The following FAM107B variants were observed in gnomAD, a reference collection of about 807,000 sequenced individuals.
The protein encoded by FAM107B is protein FAM107B.
A neutral mutation model predicts 31.5 loss-of-function variants in FAM107B; 21 were observed. That is an observed-to-expected ratio of 0.67 (90% CI 0.47 to 0.96). The LOEUF (loss-of-function observed/expected upper bound fraction) is 0.96. Among genes scored for constraint, FAM107B ranks in the 40% least tolerant of loss-of-function variants. FAM107B has a pLI of 0.00. For synonymous variants in FAM107B, 157 were observed against 141.5 expected (o/e 1.11, Z -0.78); for missense variants, 452 against 377.1 (o/e 1.20, Z -1.64).
chr10:14,666,572 GA>G (rs1002502328), intron 2 of FAM107B, among the ~76,000 whole-genome samples: 5 of 151,216 alleles, frequency 3.3e-5, no homozygotes, highest in Admixed American at 1.3e-4. Flanking sequence ...TGAGAATCAT[GA>G]AAAAAAAATG....
chr10:14,730,812 C>G (rs2131559881), intron 1 of FAM107B, among the ~76,000 whole-genome samples: 1 of 152,288 alleles, frequency 6.6e-6, no homozygotes, highest in Middle Eastern at 3.4e-3. Flanking sequence ...GTCCTATGTC[C>G]TGGGTAACTC....
intron 1 of FAM107B, among the ~76,000 whole-genome samples, chr10:14,697,415 C>T (rs1358642846): frequency 6.6e-6 from 1 of 152,202 alleles, no homozygotes; most frequent in Admixed American, 6.5e-5. Flanking sequence ...ATGCAGGGCT[C>T]TGCATTTATG....
chr10:14,594,248 C>T (rs1852108563), intron 2 of FAM107B, among the ~76,000 whole-genome samples: 1 of 152,160 alleles, frequency 6.6e-6, no homozygotes, highest in South Asian at 2.1e-4. Flanking sequence ...GGCACGGTGG[C>T]TCACACCCGT....
intron 2 of FAM107B, among the ~76,000 whole-genome samples, chr10:14,659,656 A>C (rs1158640432): frequency 6.6e-6 from 1 of 152,194 alleles, no homozygotes; most frequent in Non-Finnish European, 1.5e-5. Context: ...TGTGACTGAG[A>C]TATAGTGGGT....
At chr10:14,773,369 A>T (rs897269957) in intron 1 of FAM107B, among the ~76,000 whole-genome samples, 4 of 152,268 alleles carry the variant, frequency 2.6e-5, no homozygotes, top group Non-Finnish European at 2.9e-5. Flanking sequence ...AAAATGATTT[A>T]AAAAATCAGA....
chr10:14,587,307 G>A (rs1851877033), intron 2 of FAM107B, among the ~76,000 whole-genome samples: 2 of 152,218 alleles, frequency 1.3e-5, no homozygotes, highest in South Asian at 4.1e-4. Flanking sequence ...ACACAATGCA[G>A]GTACTCATGT....
At chr10:14,753,759 AGAG>A (rs1832874684) in intron 1 of FAM107B, among the ~76,000 whole-genome samples, 1 of 152,116 alleles carries the variant, frequency 6.6e-6, no homozygotes, top group South Asian at 2.1e-4. Flanking sequence ...TTCTCAAAGA[AGAG>A]AAGAAAATAT....
chr10:14,647,052 C>G (rs1348848149), intron 2 of FAM107B, among the ~76,000 whole-genome samples: 2 of 152,056 alleles, frequency 1.3e-5, no homozygotes, highest in Non-Finnish European at 2.9e-5. Context: ...CCTCGGCCTC[C>G]CAAAGTGCTG....
intron 2 of FAM107B, among the ~76,000 whole-genome samples, chr10:14,541,928 G>A (rs1373070002): frequency 1.3e-5 from 2 of 152,030 alleles, no homozygotes; most frequent in African/African-American, 4.8e-5. Flanking sequence ...CCCCAGCCCT[G>A]GGCTGTATGT....
intron 2 of FAM107B, chr10:14,572,238 C>T: frequency 1.0e-6 from 1 of 985,414 alleles, no homozygotes; most frequent in Non-Finnish European, 1.2e-6. Flanking sequence ...CCTTCCAGAC[C>T]AAGAGAACGT....
chr10:14,727,967 T>C (rs534111839), intron 1 of FAM107B, among the ~76,000 whole-genome samples: 4 of 152,210 alleles, frequency 2.6e-5, no homozygotes, highest in African/African-American at 9.6e-5. Context: ...GAGCTAAGTA[T>C]GCCAGTGATC....
At chr10:14,741,964 TCG>T (rs917709550) in intron 1 of FAM107B, among the ~76,000 whole-genome samples, 47 of 152,174 alleles carry the variant, frequency 3.1e-4, no homozygotes, top group African/African-American at 1.1e-3. Context: ...TCCACCCACC[TCG>T]GTCTCCCAAA....
intron 1 of FAM107B, among the ~76,000 whole-genome samples, chr10:14,769,510 A>C (rs1005675265): frequency 6.6e-6 from 1 of 151,954 alleles, no homozygotes; most frequent in African/African-American, 2.4e-5. Flanking sequence ...TCAGTCTCCC[A>C]AGTAGCTGGG....
chr10:14,646,379 C>T (rs1337652753), intron 2 of FAM107B, among the ~76,000 whole-genome samples: 1 of 152,170 alleles, frequency 6.6e-6, no homozygotes, highest in Non-Finnish European at 1.5e-5. Flanking sequence ...CACTGTACCA[C>T]TCTGTATGCC....
chr10:14,570,581 C>A (rs192817991), intron 2 of FAM107B, among the ~76,000 whole-genome samples: 1 of 152,112 alleles, frequency 6.6e-6, no homozygotes, highest in South Asian at 2.1e-4. Context: ...GTGGGCGTAT[C>A]GCTTGTGGTC....
chr10:14,640,857 C>A (rs1002941682), intron 2 of FAM107B, among the ~76,000 whole-genome samples: 5 of 152,200 alleles, frequency 3.3e-5, no homozygotes, highest in African/African-American at 4.8e-5. Flanking sequence ...CACTGCTTTT[C>A]TTCAAGGGGA....
intron 1 of FAM107B, among the ~76,000 whole-genome samples, chr10:14,706,438 G>T (rs749205603): frequency 1.9e-4 from 29 of 152,090 alleles, no homozygotes; most frequent in Non-Finnish European, 3.8e-4. Flanking sequence ...ATGTTGCCCA[G>T]GCTGGTCTTG....
chr10:14,547,935 A>G (rs1054870127), intron 2 of FAM107B, among the ~76,000 whole-genome samples: 1 of 152,230 alleles, frequency 6.6e-6, no homozygotes, highest in Non-Finnish European at 1.5e-5. Flanking sequence ...GTCTCTAACC[A>G]AACCCTAGAG....
chr10:14,610,326 G>A (rs1852696919), intron 2 of FAM107B, among the ~76,000 whole-genome samples: 1 of 151,796 alleles, frequency 6.6e-6, no homozygotes, highest in Admixed American at 6.6e-5. Flanking sequence ...CTGGGTGACA[G>A]AGCAAGACTC....
Sources: gnomAD v4.1 joint callset for allele counts (sites outside exome capture counted in the v4.1 genomes callset) on GRCh38, gnomAD v4.1.1 for gene constraint, MANE v1.5 for transcripts, NCBI Gene and HGNC (gene_info 2026-07-23, HGNC 2026-07-21) for gene names.